Variants in CTNS observed in about 807,000 individuals in gnomAD.
The protein encoded by CTNS is cystinosin.
A neutral mutation model predicts 43.7 loss-of-function variants in CTNS; 27 were observed. That is an observed-to-expected ratio of 0.62 (90% CI 0.46 to 0.85). The LOEUF is 0.85. CTNS is among the 40% of genes least tolerant of loss of function. The pLI is 0.00. For missense variants in CTNS, 457 were observed against 475.4 expected (o/e 0.96, Z 0.36); for synonymous variants, 187 against 190.6 (o/e 0.98, Z 0.16).
chr17:3,643,121 T>C (rs2075759571), intron 3 of CTNS, among the ~76,000 whole-genome samples: 1 of 151,944 alleles, frequency 6.6e-6, no homozygotes, highest in South Asian at 2.1e-4. Context: ...GAGACTATCC[T>C]GGCTAACATG....
chr17:3,644,054 G>A (rs979851603), intron 3 of CTNS, among the ~76,000 whole-genome samples: 2 of 152,168 alleles, frequency 1.3e-5, no homozygotes, highest in Non-Finnish European at 2.9e-5. Flanking sequence ...CTGATACAAT[G>A]TAAAGATTTT....
intron 5 of CTNS, among the ~76,000 whole-genome samples, chr17:3,651,048 C>A (rs552176499): frequency 3.3e-5 from 5 of 151,752 alleles, no homozygotes; most frequent in African/African-American, 1.2e-4. Flanking sequence ...GGTGATCCAC[C>A]CGCCACGGCC....
intron 3 of CTNS, among the ~76,000 whole-genome samples, chr17:3,643,911 G>GTTC (rs2075781918): frequency 6.6e-6 from 1 of 152,122 alleles, no homozygotes; most frequent in Admixed American, 6.6e-5. Context: ...GCATGCCTGT[G>GTTC]TTCGTAGCTA....
At chr17:3,645,650 A>C (rs1417483104) in intron 3 of CTNS, among the ~76,000 whole-genome samples, 1 of 152,074 alleles carries the variant, frequency 6.6e-6, no homozygotes. Context: ...ACCTGATGTC[A>C]GGAGTTCAAG....
intron 5 of CTNS, among the ~76,000 whole-genome samples, chr17:3,651,347 G>T (rs961159222): frequency 6.6e-6 from 1 of 152,056 alleles, no homozygotes; most frequent in African/African-American, 2.4e-5. Context: ...CGCCCACCTC[G>T]GCCTCCCAAA....
chr17:3,641,519 G>A (rs966261643), intron 3 of CTNS, among the ~76,000 whole-genome samples: 1 of 147,224 alleles, frequency 6.8e-6, no homozygotes, highest in Non-Finnish European at 1.5e-5. Flanking sequence ...AGCCTCCCTA[G>A]TAGCTGGGAT....
In CTNS at chr17:3,647,444, A is replaced by C; in HGVS notation, c.62A>C (p.Glu21Ala). 10 of 1,613,946 alleles carry C rather than the reference A, an allele frequency of 6.2e-6. No homozygotes were observed. The highest frequency in any genetic ancestry group is 6.8e-6 in the Non-Finnish European group (8 of 1,179,814). ...ATGTCATTGATTTGGGTCCTTCCAG[A>C]GTCAAGCGTCAGCCTCACTGTTCCT... is the stretch of plus-strand genomic sequence containing the variant. Reference protein sequence around the residue: ...LFPLKLVEKCESSVSLTVPPV... With the variant: ...LFPLKLVEKCASSVSLTVPPV... Residue 21 changes from glutamate to alanine, a missense_variant and splice_region_variant, in exon 4 of 12, where the codon GAG (glutamate) becomes GCG (alanine). Physicochemically the swap from Glu to Ala is moderately radical, Grantham distance 107 (BLOSUM62 -1). Coordinates refer to ENST00000046640, the MANE Select transcript of CTNS (RefSeq NM_004937.3).
intron 3 of CTNS, among the ~76,000 whole-genome samples, chr17:3,641,373 TATATATATATA>T (rs368470644): frequency 4.2e-5 from 2 of 47,712 alleles, no homozygotes; most frequent in South Asian, 8.6e-4. Context: ...TATATATATA[TATATATATATA>T]TTTTTTTTTT....
chr17:3,658,774 G>A (rs565283549), intron 10 of CTNS, among the ~76,000 whole-genome samples: 2 of 152,336 alleles, frequency 1.3e-5, no homozygotes, highest in African/African-American at 2.4e-5. Flanking sequence ...GAGGGCCAGC[G>A]TTCTGACTGG....
At chr17:3,649,312 C>T (rs1034630058) in intron 5 of CTNS, among the ~76,000 whole-genome samples, 11 of 151,960 alleles carry the variant, frequency 7.2e-5, no homozygotes, top group Non-Finnish European at 1.5e-4. Flanking sequence ...ATTAGCCAGT[C>T]GTGGTGGCAT....
At chr17:3,649,451 CA>C (rs34213111) in intron 5 of CTNS, among the ~76,000 whole-genome samples, 34,008 of 94,938 alleles carry the variant, frequency 0.36, 3,762 homozygotes, top group Middle Eastern at 0.42. Context: ...GACTCCTTCT[CA>C]AAAAAAAAAA....
chr17:3,655,405 C>T lies in CTNS; in HGVS notation c.461+53C>T, dbSNP rs552758564. On this transcript the variant is annotated intron_variant, in intron 7 of 11. Coordinates refer to ENST00000046640, the MANE Select transcript of CTNS (RefSeq NM_004937.3). Reference sequence around the variant, plus strand: ...TCTCTCGGGGCCCCTAGGAGCAGGGCGTTCCAGCAAGGCTGCCGATAGCGC... The same window carrying T: ...TCTCTCGGGGCCCCTAGGAGCAGGGTGTTCCAGCAAGGCTGCCGATAGCGC... The T allele has an allele frequency of 7.5e-6, 12 of 1,610,180 alleles. No individual in the cohort carries two copies. The South Asian group carries it at 7.7e-5, about 10-fold the overall frequency.
chr17:3,648,281 T>G (rs763724766), intron 4 of CTNS, among the ~76,000 whole-genome samples: 1 of 152,190 alleles, frequency 6.6e-6, no homozygotes, highest in Non-Finnish European at 1.5e-5. Flanking sequence ...CCTGCAAATC[T>G]TACAAGTCAT....
At chr17:3,638,701 C>G (rs2075601948) in intron 2 of CTNS, among the ~76,000 whole-genome samples, 1 of 152,192 alleles carries the variant, frequency 6.6e-6, no homozygotes, top group South Asian at 2.1e-4. Context: ...CATCTAATTT[C>G]TGGAGAAAAA....
At position 3,660,884 on chromosome 17, in the gene CTNS, C is replaced by A; in HGVS notation, c.*515C>A. 1 of 1,178,774 alleles carries A rather than the reference C, an allele frequency of 8.5e-7. No individual in the cohort carries two copies. The highest frequency in any genetic ancestry group is 1.2e-6 in the Non-Finnish European group (1 of 823,502). The allele number at this position is 1,178,774 out of a possible 1,614,324, so 73.0% of individuals were successfully genotyped here. On this transcript the variant is annotated 3_prime_UTR_variant, in exon 12 of 12. Coordinates refer to ENST00000046640, the MANE Select transcript of CTNS (RefSeq NM_004937.3). ...GCCATGGGGCTCTTTCTCTGAAGGC[C>A]ACTTTCCTGACGTACTCTCTGTACA... is the stretch of plus-strand genomic sequence containing the variant.
intron 9 of CTNS, chr17:3,657,648 C>A: frequency 2.7e-6 from 1 of 367,206 alleles, no homozygotes; most frequent in South Asian, 2.7e-5. Context: ...AGGCACCAGG[C>A]CACCAGAGTT....
At chr17:3,648,013 C>T (rs542795038) in intron 4 of CTNS, among the ~76,000 whole-genome samples, 146 of 152,324 alleles carry the variant, frequency 9.6e-4, no homozygotes, top group South Asian at 3.5e-3. Flanking sequence ...TAGGCACAAA[C>T]GTCGCGACCT....
chr17:3,638,299 G>A (rs575077344), intron 2 of CTNS, among the ~76,000 whole-genome samples: 42 of 151,258 alleles, frequency 2.8e-4, no homozygotes, highest in Non-Finnish European at 4.0e-4. Context: ...GTGCAATGGT[G>A]CAATCTCGGC....
rs2075695276 is a variant in CTNS, at chr17:3,641,377, TATA to T, written c.61+1111_61+1113del. Among the ~76,000 whole-genome samples, 221 of 53,024 alleles carry T rather than the reference TATA, an allele frequency of 4.2e-3. 3 individuals are homozygous for T. Among genetic ancestry groups the T allele is most frequent in the African/African-American group, 6.6e-3 (68 of 10,248 alleles). The allele number at this position is 53,024 out of a possible 152,430, so 34.8% of individuals were successfully genotyped here. On this transcript the variant is annotated intron_variant, in intron 3 of 11. Transcript: ENST00000046640. Reference sequence around the variant, plus strand: ...TCAGATACATATATATATATATATATATATATATTTTTTTTTTTTTTTTTTTTT... The same window carrying T: ...TCAGATACATATATATATATATATATTATATTTTTTTTTTTTTTTTTTTTT...
Sources: gnomAD v4.1 joint callset for allele counts (sites outside exome capture counted in the v4.1 genomes callset) on GRCh38, gnomAD v4.1.1 for gene constraint, MANE v1.5 for transcripts, NCBI Gene and HGNC (gene_info 2026-07-23, HGNC 2026-07-21) for gene names.